The following SCGN variants were observed in gnomAD, a reference collection of about 807,000 sequenced individuals.
SCGN encodes the protein secretagogin.
A neutral mutation model predicts 39.7 loss-of-function variants in SCGN; 30 were observed. That is an observed-to-expected ratio of 0.76 (90% CI 0.57 to 1.03). The LOEUF is 1.03. SCGN is among the 50% of genes least tolerant of loss of function. The probability of loss-of-function intolerance (pLI) is 0.00; values close to 1 mark genes in which losing one functional copy is unlikely to be tolerated. For missense variants in SCGN, 353 were observed against 349.4 expected (o/e 1.01, Z -0.08); for synonymous variants, 106 against 114.1 (o/e 0.93, Z 0.45).
At chr6:25,682,391 C>T (rs1759648144) in intron 7 of SCGN, among the ~76,000 whole-genome samples, 2 of 149,070 alleles carry the variant, frequency 1.3e-5, no homozygotes, top group Admixed American at 6.6e-5. Context: ...TCAGCCGACT[C>T]CAGGTGCACT....
chr6:25,692,393 CA>C (rs1759783661), intron 10 of SCGN, among the ~76,000 whole-genome samples: 1 of 152,180 alleles, frequency 6.6e-6, no homozygotes, highest in African/African-American at 2.4e-5. Flanking sequence ...GCATTGGAGC[CA>C]GGGGCAGTGA....
At chr6:25,662,400 T>G (rs1446125839) in intron 3 of SCGN, among the ~76,000 whole-genome samples, 2 of 152,220 alleles carry the variant, frequency 1.3e-5, no homozygotes, top group African/African-American at 4.8e-5. Flanking sequence ...GAACCCTGCT[T>G]ATAGATATGA....
chr6:25,684,727 T>C (rs1322703723), intron 7 of SCGN, among the ~76,000 whole-genome samples: 4 of 152,138 alleles, frequency 2.6e-5, no homozygotes, highest in African/African-American at 9.7e-5. Context: ...GGAGAATCGC[T>C]TGAACTCAGG....
intron 2 of SCGN, among the ~76,000 whole-genome samples, chr6:25,657,568 C>T (rs1041569667): frequency 2.6e-5 from 4 of 151,796 alleles, no homozygotes; most frequent in Admixed American, 2.6e-4. Context: ...TTCTATGCCC[C>T]ACTTTGCCTC....
At chr6:25,684,823 A>G (rs1256720664) in intron 7 of SCGN, among the ~76,000 whole-genome samples, 1 of 151,502 alleles carries the variant, frequency 6.6e-6, no homozygotes, top group African/African-American at 2.4e-5. Flanking sequence ...AAAGAAAGGA[A>G]AAAAAAGATA....
At chr6:25,672,005 T>G (rs891171866) in intron 6 of SCGN, among the ~76,000 whole-genome samples, 2 of 152,246 alleles carry the variant, frequency 1.3e-5, no homozygotes, top group African/African-American at 4.8e-5. Context: ...CTAACCATAC[T>G]AAACCACTAA....
In SCGN at chr6:25,673,504, A is replaced by G. The variant is rs141640331; in HGVS notation, c.471+3428A>G. ...GATGTCCTGAGCTCAAGAAATTTCGATAGTATGCAATATTTTTAGCCTAGA... is the reference window on the plus strand; with the variant it reads ...GATGTCCTGAGCTCAAGAAATTTCGGTAGTATGCAATATTTTTAGCCTAGA... On this transcript the variant is annotated intron_variant, in intron 6 of 10. Coordinates refer to ENST00000377961, the MANE Select transcript of SCGN (RefSeq NM_006998.4). Among the ~76,000 whole-genome samples the G allele has an allele frequency of 4.6e-5, 7 of 152,260 alleles. No homozygotes were observed. The East Asian group carries it at 1.2e-3, about 25-fold the overall frequency.
At chr6:25,669,441 G>A (rs2328891) in intron 4 of SCGN, 70 bp from the exon 5 acceptor site, 193,519 of 1,271,264 alleles carry the variant, frequency 0.15, 15,640 homozygotes, top group Middle Eastern at 0.2. Flanking sequence ...ATGCTGAACT[G>A]TAGTAGATAC....
chr6:25,682,223 C>T (rs1759645823), intron 7 of SCGN, among the ~76,000 whole-genome samples: 1 of 152,208 alleles, frequency 6.6e-6, no homozygotes, highest in Non-Finnish European at 1.5e-5. Context: ...GCACAACACA[C>T]AACATTTTCA....
intron 7 of SCGN, among the ~76,000 whole-genome samples, chr6:25,688,658 C>T (rs548044659): frequency 6.6e-6 from 1 of 151,946 alleles, no homozygotes; most frequent in African/African-American, 2.4e-5. Flanking sequence ...AAAAATTAGC[C>T]GGGACTGGTG....
At chr6:25,667,057 G>T (rs1760436383) in intron 4 of SCGN, among the ~76,000 whole-genome samples, 1 of 151,924 alleles carries the variant, frequency 6.6e-6, no homozygotes, top group African/African-American at 2.4e-5. Context: ...GAAACACACA[G>T]AAACAATAAG....
chr6:25,692,796 T>C (rs1759789132), intron 10 of SCGN, among the ~76,000 whole-genome samples: 2 of 152,178 alleles, frequency 1.3e-5, no homozygotes. Context: ...GCTGCCTTGG[T>C]TGGGGGTGGC....
chr6:25,669,642 C>T, intron 5 of SCGN, 75 bp downstream of exon 5: 4 of 1,227,152 alleles, frequency 3.3e-6, no homozygotes, highest in South Asian at 2.4e-5. Context: ...AGTTTGATTT[C>T]TGTGGGCCCA....
At chr6:25,655,170 A>G (rs1038957621) in intron 2 of SCGN, among the ~76,000 whole-genome samples, 1 of 152,202 alleles carries the variant, frequency 6.6e-6, no homozygotes, top group African/African-American at 2.4e-5. Context: ...ACCATTCAAA[A>G]TCTTGGAATA....
chr6:25,700,687 CAT>C (rs1759900085), intron 10 of SCGN, among the ~76,000 whole-genome samples: 1 of 152,214 alleles, frequency 6.6e-6, no homozygotes, highest in African/African-American at 2.4e-5. Flanking sequence ...TCCTAGCTAA[CAT>C]GTGTCACGTT....
intron 8 of SCGN, 79 bp downstream of exon 8, chr6:25,689,296 G>T: frequency 8.1e-7 from 1 of 1,235,524 alleles, no homozygotes; most frequent in South Asian, 1.3e-5. Context: ...AAGAAAGGAA[G>T]GCATCTATTT....
chr6:25,686,827 A>C (rs748177618), intron 7 of SCGN, among the ~76,000 whole-genome samples: 7 of 152,164 alleles, frequency 4.6e-5, no homozygotes, highest in African/African-American at 1.7e-4. Flanking sequence ...TATATAAACT[A>C]TAAAGTTTCT....
chr6:25,696,710 C>T (rs1759842194), intron 10 of SCGN, among the ~76,000 whole-genome samples: 1 of 152,164 alleles, frequency 6.6e-6, no homozygotes, highest in South Asian at 2.1e-4. Context: ...TTTCCTTCTT[C>T]AACGTCCTTT....
intron 6 of SCGN, among the ~76,000 whole-genome samples, chr6:25,679,752 C>T (rs1447640522): frequency 3.3e-5 from 5 of 152,190 alleles, no homozygotes; most frequent in African/African-American, 1.2e-4. Flanking sequence ...AGGGGAAATT[C>T]AGGCCACTGA....
Sources: gnomAD v4.1 joint callset for allele counts (sites outside exome capture counted in the v4.1 genomes callset) on GRCh38, gnomAD v4.1.1 for gene constraint, MANE v1.5 for transcripts, NCBI Gene and HGNC (gene_info 2026-07-23, HGNC 2026-07-21) for gene names.